The following SLC15A2 variants were observed in gnomAD, a reference collection of about 807,000 sequenced individuals.
SLC15A2 encodes solute carrier family 15 member 2.
A neutral mutation model predicts 95.5 loss-of-function variants in SLC15A2; 77 were observed. That is an observed-to-expected ratio of 0.81 (90% CI 0.67 to 0.97). The LOEUF is 0.97. Among genes scored for constraint, SLC15A2 ranks in the 50% least tolerant of loss-of-function variants. SLC15A2 has a pLI of 0.00. For synonymous variants in SLC15A2, 306 were observed against 306.9 expected (o/e 1.00, Z 0.03); for missense variants, 893 against 874.4 (o/e 1.02, Z -0.27).
At chr3:121,918,111 G>A (rs1449661613) in intron 7 of SLC15A2, among the ~76,000 whole-genome samples, 1 of 150,750 alleles carries the variant, frequency 6.6e-6, no homozygotes, top group Non-Finnish European at 1.5e-5. Context: ...GTTGGAGTGA[G>A]GCAAAGATAA....
chr3:121,915,330 T>TC lies in SLC15A2; in HGVS notation c.619+13_619+14insC. On this transcript the variant is annotated intron_variant, in intron 6 of 21. Transcript: ENST00000489711. ...CCCATGCTGAGAGGTTAGGATTTTTTTGAGGGGCCCTGTATAAGGCTTTGC... is the reference window on the plus strand; with the variant it reads ...CCCATGCTGAGAGGTTAGGATTTTTTCTGAGGGGCCCTGTATAAGGCTTTGC... The TC allele has an allele frequency of 6.3e-7, 1 of 1,591,694 alleles. No homozygotes were observed. Among genetic ancestry groups the TC allele is most frequent in the Non-Finnish European group, 8.6e-7 (1 of 1,159,844 alleles).
At position 121,922,819 on chromosome 3, in the gene SLC15A2, A is replaced by G. The variant is rs1710033109; in HGVS notation, c.825A>G (p.Pro275=). ...TCAAGAACCGTTCTGGAGACATTCCAAAGCGACAGCACTGGCTAGACTGGG... is the reference window on the plus strand; with the variant it reads ...TCAAGAACCGTTCTGGAGACATTCCGAAGCGACAGCACTGGCTAGACTGGG... ...NRFKNRSGDI[P]KRQHWLDWAA... is the part of the protein sequence containing the mutation. The change falls in exon 9 of 22, where the codon CCA becomes CCG. Residue 275 remains proline (P), a synonymous_variant. Transcript: ENST00000489711. 11 of 1,614,062 alleles carry G rather than the reference A, an allele frequency of 6.8e-6. No individual in the cohort carries two copies. The highest frequency in any genetic ancestry group is 4.5e-5 in the East Asian group (2 of 44,884).
chr3:121,919,738 G>A (rs1240237424), intron 7 of SLC15A2, among the ~76,000 whole-genome samples: 2 of 152,184 alleles, frequency 1.3e-5, no homozygotes, highest in African/African-American at 4.8e-5. Context: ...GTCACTATCA[G>A]TAAGAAAGTG....
rs780584829 is a variant in SLC15A2 at position 121,925,034 on chromosome 3, G to A, written c.1124+1G>A. 11 of 1,599,968 alleles carry A rather than the reference G, an allele frequency of 6.9e-6. No individual in the cohort carries two copies. The highest frequency in any genetic ancestry group is 3.3e-5 in the South Asian group (3 of 90,824). The stretch of plus-strand genomic sequence containing the variant: ...TCTCCAAGTGTGGAATTAACTTCTC[G>A]TAAGTGTTCACTATGTCTGTATGGA... On this transcript the variant is annotated splice_donor_variant, in intron 13 of 21. Transcript: ENST00000489711. LOFTEE classifies it high-confidence loss of function.
chr3:121,928,080 C>T (rs1289831346), intron 14 of SLC15A2, among the ~76,000 whole-genome samples: 1 of 152,172 alleles, frequency 6.6e-6, no homozygotes, highest in Non-Finnish European at 1.5e-5. Flanking sequence ...CACTAATATC[C>T]AAGAGAGCCC....
intron 3 of SLC15A2, among the ~76,000 whole-genome samples, chr3:121,897,764 G>A (rs181887444): frequency 8.2e-4 from 125 of 152,150 alleles, no homozygotes; most frequent in African/African-American, 1.8e-3. Flanking sequence ...CTTCAGTTGC[G>A]GTATCTTTTG....
intron 3 of SLC15A2, among the ~76,000 whole-genome samples, chr3:121,907,147 T>C (rs1389083839): frequency 2.0e-5 from 3 of 152,252 alleles, no homozygotes; most frequent in Non-Finnish European, 4.4e-5. Context: ...GAATCAGCTA[T>C]TGAAGCTTGT....
At chr3:121,922,386 A>G (rs973921823) in intron 8 of SLC15A2, 84 bp downstream of exon 8, 10 of 1,092,542 alleles carry the variant, frequency 9.2e-6, no homozygotes, top group Non-Finnish European at 1.2e-5. Flanking sequence ...AAACGTGGGC[A>G]TACATTTTTC....
intron 2 of SLC15A2, among the ~76,000 whole-genome samples, chr3:121,896,979 A>C (rs2107564489): frequency 6.7e-6 from 1 of 149,176 alleles, no homozygotes. Flanking sequence ...TTCCTCAGGT[A>C]TGAGCTAACA....
At chr3:121,915,924 C>A (rs1419249203) in intron 7 of SLC15A2, among the ~76,000 whole-genome samples, 1 of 152,034 alleles carries the variant, frequency 6.6e-6, no homozygotes, top group Admixed American at 6.6e-5. Flanking sequence ...TTCTGGGGAG[C>A]CTTAAAAAGT....
At chr3:121,935,155 A>T (rs1338132571) in intron 19 of SLC15A2, among the ~76,000 whole-genome samples, 1 of 152,100 alleles carries the variant, frequency 6.6e-6, no homozygotes, top group Non-Finnish European at 1.5e-5. Context: ...GTGCTGCTGG[A>T]TTCGTTTTGC....
intron 19 of SLC15A2, 47 bp from the exon 20 acceptor site, chr3:121,939,302 T>A (rs776469292): frequency 1.7e-5 from 24 of 1,387,024 alleles, no homozygotes; most frequent in Non-Finnish European, 1.9e-6. Context: ...TAGAAATATT[T>A]ACTTGAGACT....
intron 3 of SLC15A2, among the ~76,000 whole-genome samples, chr3:121,900,983 A>G (rs1242212837): frequency 1.3e-5 from 2 of 149,344 alleles, no homozygotes; most frequent in African/African-American, 2.4e-5. Context: ...ATATGAATGT[A>G]TATAATATGT....
chr3:121,923,864 T>C (rs565886493), intron 11 of SLC15A2, among the ~76,000 whole-genome samples: 138 of 152,326 alleles, frequency 9.1e-4, no homozygotes, highest in African/African-American at 3.3e-3. Context: ...GTCTTATTAG[T>C]CAGTCTATTT....
intron 3 of SLC15A2, among the ~76,000 whole-genome samples, chr3:121,901,796 C>T (rs1277257494): frequency 2.0e-5 from 3 of 150,692 alleles, no homozygotes; most frequent in East Asian, 2.0e-4. Flanking sequence ...TGTTTCAAAC[C>T]GTTAAGTTCT....
chr3:121,897,561 G>T, intron 3 of SLC15A2, 32 bp downstream of exon 3: 2 of 1,611,294 alleles, frequency 1.2e-6, no homozygotes, highest in South Asian at 1.1e-5. Flanking sequence ...ATCCCTACAA[G>T]TTTCACAGGT....
At chr3:121,939,917 T>C (rs1168763332) in intron 20 of SLC15A2, among the ~76,000 whole-genome samples, 5 of 152,032 alleles carry the variant, frequency 3.3e-5, no homozygotes, top group Non-Finnish European at 5.9e-5. Flanking sequence ...GCGATTCTCC[T>C]GCCTCAGCCT....
chr3:121,934,522 G>A (rs1052251073), intron 19 of SLC15A2, among the ~76,000 whole-genome samples: 4 of 151,154 alleles, frequency 2.6e-5, no homozygotes, highest in Admixed American at 2.6e-4. Flanking sequence ...TCTCTTTGAA[G>A]CAATTGTGAA....
intron 19 of SLC15A2, among the ~76,000 whole-genome samples, chr3:121,936,221 C>G (rs1710343300): frequency 1.3e-5 from 2 of 152,036 alleles, no homozygotes; most frequent in Non-Finnish European, 2.9e-5. Flanking sequence ...TGGTGTGGTG[C>G]TGAAAAAAAT....
Sources: allele counts gnomAD v4.1 joint callset (sites outside exome capture counted in the v4.1 genomes callset), GRCh38; gene constraint gnomAD v4.1.1; transcripts MANE v1.5; gene names NCBI Gene and HGNC (gene_info 2026-07-23, HGNC 2026-07-21).